The following PTPRZ1 variants were observed in gnomAD, a reference collection of about 807,000 sequenced individuals.
The protein encoded by PTPRZ1 is protein tyrosine phosphatase receptor type Z1.
Under a neutral mutation model 214.1 loss-of-function variants are expected in PTPRZ1, and 82 were observed. The ratio of observed to expected loss-of-function variants is 0.38; its 90% confidence interval spans 0.32 to 0.46. The LOEUF is 0.46. PTPRZ1 is among the 20% of genes least tolerant of loss of function. The pLI is 1.00. For missense variants in PTPRZ1, 2,603 were observed against 2,748.7 expected (o/e 0.95, Z 1.19); for synonymous variants, 945 against 987.9 (o/e 0.96, Z 0.81).
intron 1 of PTPRZ1, among the ~76,000 whole-genome samples, chr7:121,885,703 G>A (rs931861799): frequency 1.3e-5 from 2 of 152,010 alleles, no homozygotes; most frequent in African/African-American, 2.4e-5. Flanking sequence ...CCCCCAAAAT[G>A]GCAAAATGCC....
At chr7:121,876,492 A>G (rs187484095) in intron 1 of PTPRZ1, among the ~76,000 whole-genome samples, 1 of 152,300 alleles carries the variant, frequency 6.6e-6, no homozygotes, top group East Asian at 1.9e-4. Context: ...CACATTAACA[A>G]TAAATTATAC....
chr7:121,993,292 C>A (rs1009688550), intron 8 of PTPRZ1, among the ~76,000 whole-genome samples: 1 of 151,904 alleles, frequency 6.6e-6, no homozygotes, highest in African/African-American at 2.4e-5. Context: ...TGACTCATGC[C>A]TGTAATCCCA....
At chr7:121,968,189 G>C in intron 3 of PTPRZ1, 59 bp downstream of exon 3, 1 of 1,426,158 alleles carries the variant, frequency 7.0e-7, no homozygotes, top group Non-Finnish European at 9.5e-7. Context: ...AGTATGTTTA[G>C]ACTAGTTTCA....
Position 122,012,888 on chromosome 7 carries a change from A to T in PTPRZ1, c.3842A>T (p.Gln1281Leu), listed in dbSNP as rs1562862402. 2 of 1,614,166 alleles carry T rather than the reference A, an allele frequency of 1.2e-6. No homozygotes were observed. Among genetic ancestry groups the T allele is most frequent in the Non-Finnish European group, 1.7e-6 (2 of 1,180,010 alleles). Reference sequence around the variant, plus strand: ...TTGTTAAAAAGTGAAAGTTCCCACCAAGTGGTACCTTCTTTGTACAGTAAT... The same window carrying T: ...TTGTTAAAAAGTGAAAGTTCCCACCTAGTGGTACCTTCTTTGTACAGTAAT... ...PVLLKSESSH[Q>L]VVPSLYSNDE... Residue 1281 changes from glutamine to leucine, a missense_variant, in exon 12 of 30, where the codon CAA (glutamine) becomes CTA (leucine). By Grantham distance (113) the Gln-to-Leu change is moderately radical. Transcript: ENST00000393386.
intron 2 of PTPRZ1, among the ~76,000 whole-genome samples, chr7:121,956,576 A>G (rs1435293021): frequency 1.3e-5 from 2 of 152,258 alleles, no homozygotes; most frequent in Non-Finnish European, 2.9e-5. Flanking sequence ...ATCTAGAAAC[A>G]TAACCACTGC....
chr7:121,966,850 A>C (rs2116506559), intron 2 of PTPRZ1: 1 of 152,262 alleles, frequency 6.6e-6, no homozygotes, highest in Middle Eastern at 3.4e-3. Context: ...TTTATCAAAG[A>C]TAAATTTACT....
intron 3 of PTPRZ1, among the ~76,000 whole-genome samples, chr7:121,968,734 C>G (rs1797121933): frequency 6.6e-6 from 1 of 150,790 alleles, no homozygotes; most frequent in South Asian, 2.1e-4. Flanking sequence ...AAAGTGACAC[C>G]TTTTCTTTTT....
At chr7:122,041,157 T>C (rs2150479162) in intron 21 of PTPRZ1, among the ~76,000 whole-genome samples, 178 bp downstream of exon 21, 1 of 152,336 alleles carries the variant, frequency 6.6e-6, no homozygotes, top group Admixed American at 6.5e-5. Flanking sequence ...GACTCAGAAT[T>C]GGATTGCTGA....
rs1303207176 is a variant in PTPRZ1 at position 122,010,650 on chromosome 7, C to T, written c.1604C>T (p.Ser535Leu). 6 of 1,613,446 alleles carry T rather than the reference C, an allele frequency of 3.7e-6. No individual in the cohort carries two copies. The highest frequency in any genetic ancestry group is 5.1e-6 in the Non-Finnish European group (6 of 1,179,496). Residue 535 changes from serine to leucine, a missense_variant, in exon 12 of 30, where the codon TCA becomes TTA. Physicochemically the swap from Ser to Leu is moderately radical, Grantham distance 145 (BLOSUM62 -2). Transcript: ENST00000393386. ...ELPPHTVEGT[S>L]ASLNDGSKTV... ...CCACCTCACACTGTGGAAGGTACTT[C>T]AGCCTCTTTAAATGATGGCTCTAAA... is the stretch of plus-strand genomic sequence containing the variant.
Position 121,881,437 on chromosome 7 carries a change from G to A in PTPRZ1, c.58+7880G>A, listed in dbSNP as rs138061877. Among the ~76,000 whole-genome samples, 376 of 152,300 alleles carry A rather than the reference G, an allele frequency of 2.5e-3. 2 individuals are homozygous for A. The highest frequency in any genetic ancestry group is 8.8e-3 in the African/African-American group (364 of 41,564). ...AAGTACTTCATAATGTATGGGTGCTGAGCCCAGACATGGACATTTTCTTAA... is the reference window on the plus strand; with the variant it reads ...AAGTACTTCATAATGTATGGGTGCTAAGCCCAGACATGGACATTTTCTTAA... On this transcript the variant is annotated intron_variant, in intron 1 of 29. Transcript: ENST00000393386.
intron 26 of PTPRZ1, 146 bp downstream of exon 26, chr7:122,054,184 G>A (rs1301335838): frequency 1.0e-5 from 9 of 866,054 alleles, no homozygotes; most frequent in Middle Eastern, 3.6e-4. Context: ...TTCTGCTGTT[G>A]GGCTTGGTTT....
intron 13 of PTPRZ1, among the ~76,000 whole-genome samples, chr7:122,025,941 G>A (rs945453190): frequency 6.6e-6 from 1 of 152,196 alleles, no homozygotes; most frequent in South Asian, 2.1e-4. Context: ...CTAACAGGGT[G>A]TGGACCACAG....
Position 121,873,541 on chromosome 7 carries a change from C to T in PTPRZ1, c.42C>T (p.Leu14=), listed in dbSNP as rs142480920. 23 of 1,613,844 alleles carry T rather than the reference C, an allele frequency of 1.4e-5. No homozygotes were observed. The East Asian group carries it at 4.5e-4, about 31-fold the overall frequency. The stretch of plus-strand genomic sequence containing the variant: ...GTTTCCTCGCTTGCATTCAGCTCCT[C>T]TGTGTTTGCCGCCTGGGTGAGTGAG... ...LKRFLACIQL[L]CVCRLDWANG... Residue 14 remains leucine, a synonymous_variant, in exon 1 of 30, where the codon CTC becomes CTT. Transcript: ENST00000393386.
At position 122,013,848 on chromosome 7, in the gene PTPRZ1, T is replaced by A; in HGVS notation, c.4802T>A (p.Val1601Asp). 1 of 1,613,468 alleles carries A rather than the reference T, an allele frequency of 6.2e-7. No homozygotes were observed. The highest frequency in any genetic ancestry group is 8.5e-7 in the Non-Finnish European group (1 of 1,179,644). Residue 1601 changes from valine (V) to aspartate (D), a missense_variant, in exon 12 of 30, where the codon GTT (valine) becomes GAT (aspartate). Val to Asp is a radical substitution (Grantham distance 152, BLOSUM62 -3). This residue lies in a region of PTPRZ1 where 1,913 missense variants were observed against 1,914.3 expected (regional missense o/e 1.00). Transcript: ENST00000393386. ...TTCCCACAGTCCCCAACATCATCTG[T>A]TACTAGCGAGAACTCAGAAGTGTTC... ...PGFPQSPTSS[V>D]TSENSEVFHV...
chr7:122,013,915 T>C (rs773844477), intron 12 of PTPRZ1, 26 bp downstream of exon 12: 18 of 1,540,548 alleles, frequency 1.2e-5, no homozygotes, highest in Non-Finnish European at 1.4e-5. Flanking sequence ...GAAGGACAGA[T>C]TGAGGTGTGG....
intron 1 of PTPRZ1, among the ~76,000 whole-genome samples, chr7:121,888,560 G>A (rs1028776563): frequency 3.9e-5 from 6 of 152,032 alleles, no homozygotes; most frequent in African/African-American, 1.2e-4. Context: ...ATTAGAATTA[G>A]GATAATGGAT....
intron 20 of PTPRZ1, 136 bp from the exon 21 acceptor site, chr7:122,040,679 GA>G (rs1799697664): frequency 1.7e-6 from 1 of 572,520 alleles, no homozygotes; most frequent in African/African-American, 1.9e-5. Flanking sequence ...ATTCATTATG[GA>G]CCCTCAACAT....
At chr7:122,018,282 C>G (rs899245673) in intron 12 of PTPRZ1, among the ~76,000 whole-genome samples, 2 of 152,150 alleles carry the variant, frequency 1.3e-5, no homozygotes, top group Non-Finnish European at 2.9e-5. Context: ...TTATTGGCCA[C>G]AAACACTCAC....
In PTPRZ1 at chr7:122,011,140, G is replaced by A. The variant is rs1201485075; in HGVS notation, c.2094G>A (p.Val698=). The A allele has an allele frequency of 3.1e-6, 5 of 1,613,996 alleles. No individual in the cohort carries two copies. The East Asian group carries it at 6.7e-5, about 22-fold the overall frequency. The stretch of plus-strand genomic sequence containing the variant: ...CCAAGTCCTTTTCTGCAGGCCCAGT[G>A]ATGTCACAGGGTCCCTCAGTTACAG... The part of the protein sequence containing the change: ...KTTKSFSAGP[V]MSQGPSVTDL... Residue 698 remains valine (V), a synonymous_variant, in exon 12 of 30, where the codon GTG becomes GTA. Transcript: ENST00000393386.
Sources: gnomAD v4.1 joint callset for allele counts (sites outside exome capture counted in the v4.1 genomes callset) on GRCh38, gnomAD v4.1.1 for gene constraint, gnomAD v4.1.1 regional missense constraint, MANE v1.5 for transcripts, NCBI Gene and HGNC (gene_info 2026-07-23, HGNC 2026-07-21) for gene names.